Variants in AFAP1 observed in about 807,000 individuals in gnomAD.
The protein encoded by AFAP1 is actin filament-associated protein 1.
A neutral mutation model predicts 93.9 loss-of-function variants in AFAP1; 75 were observed. The ratio of observed to expected loss-of-function variants is 0.80; its 90% CI spans 0.66 to 0.97. The LOEUF (loss-of-function observed/expected upper bound fraction) is 0.97. AFAP1 is among the 50% of genes least tolerant of loss of function. The pLI, the probability that AFAP1 is intolerant of heterozygous loss-of-function variation, is 0.00. For missense variants in AFAP1, 1,201 were observed against 1,050.8 expected, an observed-to-expected ratio of 1.14 and a Z score of -1.98; for synonymous variants, 517 against 430.7, an observed-to-expected ratio of 1.20 and a Z score of -2.48.
chr4:7,899,025 G>A (rs949738373), intron 1 of AFAP1, among the ~76,000 whole-genome samples: 4 of 148,864 alleles, frequency 2.7e-5, no homozygotes, highest in Admixed American at 6.7e-5. Context: ...ATATGTGTGT[G>A]TATATATATA....
chr4:7,859,150 G>A (rs891535748), intron 3 of AFAP1, among the ~76,000 whole-genome samples: 1 of 152,228 alleles, frequency 6.6e-6, no homozygotes, highest in Non-Finnish European at 1.5e-5. Flanking sequence ...GTTGGGCGCG[G>A]TGGCTCACGC....
Position 7,838,508 on chromosome 4 carries a change from AC to A in AFAP1, c.726+15del. 2 of 1,601,810 alleles carry A rather than the reference AC, an allele frequency of 1.2e-6. No homozygotes were observed. The highest frequency in any genetic ancestry group is 1.7e-6 in the Non-Finnish European group (2 of 1,173,670). ...TGTGGAACTGAAATGGCTGTGAAACACAGCAGACAACCTACCTTCAGCCACT... is the reference window on the plus strand; with the variant it reads ...TGTGGAACTGAAATGGCTGTGAAACAAGCAGACAACCTACCTTCAGCCACT... On this transcript the variant is annotated intron_variant, in intron 6 of 17. Transcript: ENST00000420658.
chr4:7,845,076 G>C (rs1002604282), intron 4 of AFAP1, among the ~76,000 whole-genome samples: 2 of 152,294 alleles, frequency 1.3e-5, no homozygotes, highest in South Asian at 4.1e-4. Context: ...TTCAATACTA[G>C]CAGGGAGGAA....
At position 7,772,954 on chromosome 4, in the gene AFAP1, G is replaced by A. The variant is rs200872291; in HGVS notation, c.2119C>T (p.Arg707Trp). 5.6e-4 allele frequency: 904 copies of A among 1,613,362 alleles called. No homozygotes were observed. The highest frequency in any genetic ancestry group is 6.9e-4 in the Non-Finnish European group (810 of 1,179,992). Residue 707 changes from arginine (R) to tryptophan (W), a missense_variant, in exon 16 of 18, where the codon CGG becomes TGG. Physicochemically the swap from Arg to Trp is moderately radical, Grantham distance 101. Transcript: ENST00000420658. ...CTGACACGCTCCGCCTCCTTCTGCC[G>A]GCACTCCTCCTCCAGCTGCTTCAGC... ...EKLKQLEEECRQKEAERVSLE... is the reference protein window; with the variant it reads ...EKLKQLEEECWQKEAERVSLE...
intron 3 of AFAP1, among the ~76,000 whole-genome samples, chr4:7,866,881 AT>A: frequency 6.6e-6 from 1 of 150,596 alleles, no homozygotes; most frequent in East Asian, 2.0e-4. Context: ...AAAAAAAAAA[AT>A]TAAACATTTG....
intron 7 of AFAP1, among the ~76,000 whole-genome samples, chr4:7,818,115 C>G (rs1325112988): frequency 6.6e-6 from 1 of 152,152 alleles, no homozygotes; most frequent in East Asian, 1.9e-4. Flanking sequence ...GCAGCCTGCC[C>G]TCTGTAATGT....
At chr4:7,907,403 A>C (rs565097729) in intron 1 of AFAP1, among the ~76,000 whole-genome samples, 1 of 152,342 alleles carries the variant, frequency 6.6e-6, no homozygotes, top group South Asian at 2.1e-4. Flanking sequence ...TTGAAACCAG[A>C]TATCTCAAAG....
chr4:7,796,172 T>C (rs1718400997), intron 10 of AFAP1, among the ~76,000 whole-genome samples: 2 of 152,148 alleles, frequency 1.3e-5, no homozygotes, highest in South Asian at 4.1e-4. Context: ...CCCCAGATCC[T>C]GGCTTCTCAA....
At chr4:7,878,627 T>C (rs745452354) in intron 1 of AFAP1, among the ~76,000 whole-genome samples, 5 of 152,212 alleles carry the variant, frequency 3.3e-5, no homozygotes, top group Non-Finnish European at 5.9e-5. Flanking sequence ...CGATGTTTAA[T>C]AGAAATCTCC....
At chr4:7,854,318 GC>G (rs147670137) in intron 4 of AFAP1, among the ~76,000 whole-genome samples, 3,071 of 152,130 alleles carry the variant, frequency 0.02, 105 homozygotes, top group African/African-American at 0.07. Context: ...TTGACATTTG[GC>G]CCAGTCTGTG....
intron 2 of AFAP1, among the ~76,000 whole-genome samples, chr4:7,869,157 G>A (rs1347526897): frequency 6.6e-6 from 1 of 151,214 alleles, no homozygotes; most frequent in Non-Finnish European, 1.5e-5. Flanking sequence ...AAGGGAAAGG[G>A]AAAGGGAAAA....
chr4:7,840,262 A>ATG (rs10611947), intron 5 of AFAP1, among the ~76,000 whole-genome samples: 40 of 150,124 alleles, frequency 2.7e-4, no homozygotes, highest in Non-Finnish European at 4.2e-4. Flanking sequence ...TGTTTTTGGG[A>ATG]TGTGTGTGTG....
At position 7,800,550 on chromosome 4, in the gene AFAP1, ATGGGTCT is replaced by A; in HGVS notation, c.1151_1157del (p.Lys384IlefsTer12). ...AGCCACGGAGCGGAATAGACACAAT[ATGGGTCT>A]TCAGGTCGGTCCTGTCCTTGTGGAA... On this transcript the variant is annotated frameshift_variant, in exon 10 of 18. Transcript: ENST00000420658. LOFTEE classifies it high-confidence loss of function. 1 of 1,614,140 alleles carries A rather than the reference ATGGGTCT, an allele frequency of 6.2e-7. No individual in the cohort carries two copies. Among genetic ancestry groups the A allele is most frequent in the Non-Finnish European group, 8.5e-7 (1 of 1,179,996 alleles).
intron 1 of AFAP1, among the ~76,000 whole-genome samples, chr4:7,897,840 C>T (rs914748601): frequency 6.6e-6 from 1 of 152,140 alleles, no homozygotes; most frequent in African/African-American, 2.4e-5. Flanking sequence ...CCAGGCAACA[C>T]TTCGTGGCAT....
At chr4:7,772,488 CGGCTCTACTGAACT>C (rs1715573516) in intron 16 of AFAP1, 1 of 230,402 alleles carries the variant, frequency 4.3e-6, no homozygotes, top group Non-Finnish European at 8.4e-6. Context: ...TTGTAAGCAC[CGGCTCTACTGAACT>C]GGCATCAAAT....
At chr4:7,792,670 C>A (rs1417103945) in intron 11 of AFAP1, among the ~76,000 whole-genome samples, 1 of 152,184 alleles carries the variant, frequency 6.6e-6, no homozygotes, top group Non-Finnish European at 1.5e-5. Flanking sequence ...AACAGGACCA[C>A]TGTCATTGGA....
intron 1 of AFAP1, among the ~76,000 whole-genome samples, chr4:7,930,379 AGCTCAATCTCTCATTGGCCACCGGTG>A (rs1720999837): frequency 3.3e-4 from 1 of 3,016 alleles, no homozygotes; most frequent in African/African-American, 2.4e-3. Flanking sequence ...ACCGGTGGCT[AGCTCAATCTCTCATTGGCCACCGGTG>A]GCTAGCTCAA....
chr4:7,796,885 C>T (rs1718477063), intron 10 of AFAP1, among the ~76,000 whole-genome samples: 1 of 142,580 alleles, frequency 7.0e-6, no homozygotes, highest in Non-Finnish European at 1.5e-5. Context: ...CATGGTGAAA[C>T]CCCGTCTCTA....
At chr4:7,790,168 A>C (rs1717735198) in intron 11 of AFAP1, among the ~76,000 whole-genome samples, 1 of 152,210 alleles carries the variant, frequency 6.6e-6, no homozygotes, top group Non-Finnish European at 1.5e-5. Flanking sequence ...CACACTGGCA[A>C]GCAACCATAT....
Sources: allele counts gnomAD v4.1 joint callset (sites outside exome capture counted in the v4.1 genomes callset), GRCh38; gene constraint gnomAD v4.1.1; transcripts MANE v1.5; gene names NCBI Gene and HGNC (gene_info 2026-07-23, HGNC 2026-07-21).